FBXL2: variants seen among roughly 807,000 people sequenced by gnomAD.
FBXL2 encodes F-box/LRR-repeat protein 2.
FBXL2 carries 38 observed loss-of-function variants against 69.2 expected under a neutral mutation model. The observed-to-expected ratio is 0.55, with a 90% CI of 0.42 to 0.72. FBXL2 has a LOEUF of 0.72. Among genes scored for constraint, FBXL2 ranks in the 30% least tolerant of loss-of-function variants. The pLI is 0.00. For missense variants in FBXL2, 354 were observed against 520.3 expected (o/e 0.68, Z 3.11); for synonymous variants, 192 against 201.3 (o/e 0.95, Z 0.39).
At chr3:33,406,058 T>C (rs890946452), downstream of FBXL2, among the ~76,000 whole-genome samples, 2 of 152,218 alleles carry the variant, frequency 1.3e-5, no homozygotes, top group African/African-American at 4.8e-5. Flanking sequence ...ACTTATTGCA[T>C]GGCATAGCAA....
chr3:33,284,015 A>AT (rs542836952), intron 1 of FBXL2, among the ~76,000 whole-genome samples: 1,783 of 152,046 alleles, frequency 0.012, 11 homozygotes, highest in Middle Eastern at 0.054. Context: ...GGATTCTTTG[A>AT]TTTTTTTGAA....
chr3:33,304,257 A>C lies in FBXL2; in HGVS notation c.65+6532A>C, dbSNP rs750373233. 2.0e-5 allele frequency among the ~76,000 whole-genome samples: 3 copies of C among 152,088 alleles called. No homozygotes were observed. In the East Asian group the frequency reaches 5.8e-4, roughly 29 times the overall value. ...TTTGTAGTATAAGGAATGTACATAA[A>C]TGCTGCCCCTCCTCATTCCCCACCA... On this transcript the variant is annotated intron_variant, in intron 2 of 14. Coordinates refer to ENST00000484457, the MANE Select transcript of FBXL2 (RefSeq NM_012157.5).
At chr3:33,390,120 C>T (rs948146554), downstream of FBXL2, 15 of 563,642 alleles carry the variant, frequency 2.7e-5, 1 homozygote, top group African/African-American at 7.5e-5. Context: ...CATGCTGTGC[C>T]GATGTGCTCA....
downstream of FBXL2, chr3:33,391,549 T>C (rs1415218232): frequency 6.6e-6 from 1 of 152,188 alleles, no homozygotes; most frequent in Non-Finnish European, 1.5e-5. Context: ...CTACTTGACA[T>C]TTCTACATAT....
At chr3:33,315,363 A>G (rs2037595336) in intron 2 of FBXL2, among the ~76,000 whole-genome samples, 1 of 148,466 alleles carries the variant, frequency 6.7e-6, no homozygotes, top group Non-Finnish European at 1.5e-5. Flanking sequence ...AAGACTCTAA[A>G]TATGATATGG....
At chr3:33,396,367 C>G (rs1248855938) in intron 12 of FBXL2, 1 of 996,568 alleles carries the variant, frequency 1.0e-6, no homozygotes, top group African/African-American at 1.6e-5. Context: ...AATCTAAGTT[C>G]TATTTCCTTA....
chr3:33,309,281 T>G (rs2036981944), intron 2 of FBXL2, among the ~76,000 whole-genome samples: 1 of 152,202 alleles, frequency 6.6e-6, no homozygotes, highest in African/African-American at 2.4e-5. Flanking sequence ...TTTTATATAT[T>G]TAGGTGCTCT....
chr3:33,335,135 CACTG>C lies in FBXL2; in HGVS notation c.66-23829_66-23826del, dbSNP rs376225643. 1.1e-4 allele frequency among the ~76,000 whole-genome samples: 16 copies of C among 151,108 alleles called. No individual in the cohort carries two copies. In the East Asian group the frequency reaches 1.4e-3, roughly 13 times the overall value. ...TAATAATAATAAGAAGAAGAATACT[CACTG>C]ACCTTTAAGAAATAATTGAAAGCCA... On this transcript the variant is annotated intron_variant, in intron 2 of 14. Coordinates refer to ENST00000484457, the MANE Select transcript of FBXL2 (RefSeq NM_012157.5).
intron 2 of FBXL2, among the ~76,000 whole-genome samples, chr3:33,344,824 AAAAG>A (rs1477642632): frequency 7.2e-5 from 11 of 152,206 alleles, no homozygotes; most frequent in African/African-American, 2.7e-4. Context: ...ACTGATTAAG[AAAAG>A]AAAGAAGGCA....
intron 4 of FBXL2, among the ~76,000 whole-genome samples, chr3:33,361,098 ATTT>A (rs58660334): frequency 4.1e-4 from 48 of 116,308 alleles, no homozygotes; most frequent in African/African-American, 1.1e-3. Flanking sequence ...CGCCCGGCTA[ATTT>A]TTTTTTTTTT....
chr3:33,307,257 C>T (rs973267827), intron 2 of FBXL2, among the ~76,000 whole-genome samples: 6 of 152,076 alleles, frequency 3.9e-5, no homozygotes, highest in African/African-American at 7.2e-5. Context: ...CTGTGGCATT[C>T]CTGACAAAAA....
At chr3:33,312,811 A>C (rs1453484070) in intron 2 of FBXL2, among the ~76,000 whole-genome samples, 1 of 152,098 alleles carries the variant, frequency 6.6e-6, no homozygotes, top group Non-Finnish European at 1.5e-5. Context: ...ATAAGAGAGG[A>C]GATATCACTG....
At chr3:33,280,640 G>T (rs186747016) in intron 1 of FBXL2, among the ~76,000 whole-genome samples, 83 of 149,338 alleles carry the variant, frequency 5.6e-4, no homozygotes, top group African/African-American at 2.0e-3. Context: ...TTGAGTCCAG[G>T]AGCTCAAGGC....
chr3:33,398,607 T>C (rs2044100550), intron 12 of FBXL2, among the ~76,000 whole-genome samples: 1 of 152,182 alleles, frequency 6.6e-6, no homozygotes, highest in Admixed American at 6.5e-5. Flanking sequence ...TCAGGAGATG[T>C]GCCCAAAGGG....
downstream of FBXL2, among the ~76,000 whole-genome samples, chr3:33,407,554 A>G (rs1184136474): frequency 3.9e-5 from 6 of 152,194 alleles, no homozygotes; most frequent in East Asian, 9.6e-4. Flanking sequence ...ATTTAAAAAA[A>G]AAAAAAAAAG....
intron 1 of FBXL2, among the ~76,000 whole-genome samples, chr3:33,281,354 T>A (rs915717588): frequency 2.0e-5 from 3 of 152,226 alleles, no homozygotes; most frequent in African/African-American, 7.2e-5. Context: ...TTCATCCATG[T>A]CCTTGCAAAG....
intron 2 of FBXL2, among the ~76,000 whole-genome samples, chr3:33,319,297 T>G (rs916223382): frequency 6.6e-6 from 1 of 152,122 alleles, no homozygotes; most frequent in African/African-American, 2.4e-5. Context: ...TTTATATATC[T>G]CTTTATTATT....
the FBXL2 span, chr3:33,409,232 T>C: frequency 9.9e-6 from 16 of 1,613,212 alleles, no homozygotes; most frequent in Non-Finnish European, 1.2e-5. Flanking sequence ...CTTTACTACA[T>C]TACCTCTGTG....
chr3:33,327,311 GTC>G (rs1251615400), intron 2 of FBXL2, among the ~76,000 whole-genome samples: 2 of 151,964 alleles, frequency 1.3e-5, no homozygotes, highest in African/African-American at 4.8e-5. Flanking sequence ...AGTTTAAAGG[GTC>G]TGCATAGGTC....
Sources: allele counts gnomAD v4.1 joint callset (sites outside exome capture counted in the v4.1 genomes callset), GRCh38; gene constraint gnomAD v4.1.1; transcripts MANE v1.5; gene names NCBI Gene and HGNC (gene_info 2026-07-23, HGNC 2026-07-21).